The following ROBO1 variants were observed in gnomAD, a reference collection of about 807,000 sequenced individuals.
ROBO1 encodes roundabout homolog 1.
In ROBO1, 149 loss-of-function variants were observed where a neutral mutation model predicts 195.9. That is an observed-to-expected ratio of 0.76 (90% confidence interval 0.67 to 0.87). ROBO1 has a LOEUF of 0.87. Among genes scored for constraint, ROBO1 ranks in the 40% least tolerant of loss-of-function variants. ROBO1 has a pLI of 0.00. For missense variants in ROBO1, 1,933 were observed against 2,068.3 expected (o/e 0.93, Z 1.27); for synonymous variants, 816 against 733.2 (o/e 1.11, Z -1.82).
chr3:79,269,154 A>G (rs1187984214), intron 2 of ROBO1, among the ~76,000 whole-genome samples: 1 of 151,706 alleles, frequency 6.6e-6, no homozygotes, highest in Non-Finnish European at 1.5e-5. Flanking sequence ...ATGTGTTTGC[A>G]GTATTTAAGT....
At chr3:78,632,879 T>A (rs557499588) in intron 24 of ROBO1, among the ~76,000 whole-genome samples, 42 of 152,328 alleles carry the variant, frequency 2.8e-4, no homozygotes, top group African/African-American at 9.9e-4. Context: ...ATATTTCTCT[T>A]AATTCAGGAT....
intron 2 of ROBO1, among the ~76,000 whole-genome samples, chr3:79,275,449 C>G (rs538910777): frequency 6.6e-6 from 1 of 151,840 alleles, no homozygotes; most frequent in East Asian, 1.9e-4. Context: ...GAAAAAAACC[C>G]TCAAAAAACT....
chr3:79,751,692 C>A (rs1704137072), intron 1 of ROBO1, among the ~76,000 whole-genome samples: 1 of 152,090 alleles, frequency 6.6e-6, no homozygotes, highest in Non-Finnish European at 1.5e-5. Context: ...ATGTATCTTG[C>A]AATTTTTATC....
intron 3 of ROBO1, among the ~76,000 whole-genome samples, chr3:78,944,745 G>A (rs554569058): frequency 3.3e-5 from 5 of 152,230 alleles, no homozygotes; most frequent in Non-Finnish European, 7.3e-5. Flanking sequence ...CAAGGGGTCA[G>A]GGAATTCCCT....
intron 26 of ROBO1, among the ~76,000 whole-genome samples, chr3:78,620,490 C>T (rs1264397648): frequency 2.6e-5 from 4 of 151,776 alleles, no homozygotes; most frequent in Non-Finnish European, 2.9e-5. Flanking sequence ...GCATCCTGGG[C>T]GACAGAGGGA....
At chr3:78,916,606 T>C (rs1420654250) in intron 4 of ROBO1, among the ~76,000 whole-genome samples, 1 of 152,110 alleles carries the variant, frequency 6.6e-6, no homozygotes, top group East Asian at 1.9e-4. Flanking sequence ...AATACTGTTT[T>C]TTTATTTATG....
At chr3:78,929,865 T>A (rs1368684524) in intron 4 of ROBO1, among the ~76,000 whole-genome samples, 1 of 151,932 alleles carries the variant, frequency 6.6e-6, no homozygotes, top group East Asian at 1.9e-4. Flanking sequence ...TATTAACTGA[T>A]CATTAGGGTA....
At chr3:79,589,574 A>G (rs1295489195) in intron 2 of ROBO1, among the ~76,000 whole-genome samples, 1 of 151,666 alleles carries the variant, frequency 6.6e-6, no homozygotes, top group Non-Finnish European at 1.5e-5. Context: ...CACTCCTTAC[A>G]TGTTTCAGCA....
intron 4 of ROBO1, among the ~76,000 whole-genome samples, chr3:78,784,394 A>G (rs916926718): frequency 1.3e-5 from 2 of 152,208 alleles, no homozygotes; most frequent in Non-Finnish European, 2.9e-5. Flanking sequence ...ATTAATACAG[A>G]CAAATGTTCA....
intron 2 of ROBO1, among the ~76,000 whole-genome samples, chr3:79,271,315 C>A (rs964388936): frequency 2.0e-5 from 3 of 151,850 alleles, no homozygotes; most frequent in African/African-American, 4.8e-5. Context: ...TTTATTATAA[C>A]CACTGGTCCA....
At chr3:78,829,439 G>A (rs1390298773) in intron 4 of ROBO1, among the ~76,000 whole-genome samples, 1 of 152,088 alleles carries the variant, frequency 6.6e-6, no homozygotes, top group Non-Finnish European at 1.5e-5. Flanking sequence ...TAAGGGGATA[G>A]CTCAAGATTA....
intron 8 of ROBO1, among the ~76,000 whole-genome samples, chr3:78,704,163 C>A (rs374134156): frequency 6.6e-6 from 1 of 152,102 alleles, no homozygotes; most frequent in East Asian, 1.9e-4. Context: ...CAAATAACCA[C>A]GTTAATGGTC....
chr3:78,719,958 T>G (rs2082001963), intron 5 of ROBO1, among the ~76,000 whole-genome samples: 1 of 152,232 alleles, frequency 6.6e-6, no homozygotes, highest in African/African-American at 2.4e-5. Flanking sequence ...CATTTTAATA[T>G]AAATATATCA....
chr3:78,760,238 A>G (rs1367078527), intron 4 of ROBO1, among the ~76,000 whole-genome samples: 1 of 152,174 alleles, frequency 6.6e-6, no homozygotes, highest in Non-Finnish European at 1.5e-5. Flanking sequence ...TTTGTAAATT[A>G]CCCATTCTCA....
At chr3:79,238,778 AT>A (rs1373226038) in intron 2 of ROBO1, among the ~76,000 whole-genome samples, 2 of 152,110 alleles carry the variant, frequency 1.3e-5, no homozygotes, top group South Asian at 2.1e-4. Context: ...AGTCTCATTA[AT>A]TTTTAACTGC....
At chr3:79,076,266 TATATATAA>T (rs937969962) in intron 3 of ROBO1, among the ~76,000 whole-genome samples, 6 of 147,510 alleles carry the variant, frequency 4.1e-5, no homozygotes, top group Admixed American at 1.4e-4. Context: ...ATATAAACTA[TATATATAA>T]ATATATAAAT....
At chr3:78,926,819 G>C (rs2039247892) in intron 4 of ROBO1, among the ~76,000 whole-genome samples, 1 of 152,146 alleles carries the variant, frequency 6.6e-6, no homozygotes, top group African/African-American at 2.4e-5. Context: ...GACTCAGCCA[G>C]ATGAATAAGA....
At chr3:78,966,203 C>T (rs1238830795) in intron 3 of ROBO1, among the ~76,000 whole-genome samples, 1 of 152,196 alleles carries the variant, frequency 6.6e-6, no homozygotes, top group African/African-American at 2.4e-5. Flanking sequence ...TTCCCTGCCC[C>T]TCTCTGTCTG....
At chr3:78,983,263 C>T (rs1193749808) in intron 3 of ROBO1, among the ~76,000 whole-genome samples, 2 of 152,188 alleles carry the variant, frequency 1.3e-5, no homozygotes, top group African/African-American at 2.4e-5. Flanking sequence ...TTTGAAACTA[C>T]GTAACAACAA....
Sources: allele counts gnomAD v4.1 joint callset (sites outside exome capture counted in the v4.1 genomes callset), GRCh38; gene constraint gnomAD v4.1.1; transcripts MANE v1.5; gene names NCBI Gene and HGNC (gene_info 2026-07-23, HGNC 2026-07-21).